DPRX: variants seen among roughly 807,000 people sequenced by gnomAD.
The protein encoded by DPRX is divergent paired-related homeobox.
In DPRX, 11 loss-of-function variants were observed where a neutral mutation model predicts 8.4. The observed-to-expected ratio is 1.31, with a 90% confidence interval of 0.82 to 2.17. The LOEUF is 2.17. Ranked by LOEUF, DPRX falls within the 30% of genes most tolerant of loss-of-function variation. The pLI is 0.00. For missense variants in DPRX, 211 were observed against 236.7 expected (o/e 0.89, Z 0.71); for synonymous variants, 72 against 87.0 (o/e 0.83, Z 0.96).
chr19:53,603,226 C>A, the DPRX span: 1 of 422,298 alleles, frequency 2.4e-6, no homozygotes, highest in Non-Finnish European at 4.8e-6. Flanking sequence ...CAAAAGTGCG[C>A]CTACTAAGAA....
the DPRX span, among the ~76,000 whole-genome samples, chr19:53,609,537 G>A: frequency 7.1e-6 from 1 of 140,486 alleles, no homozygotes; most frequent in Non-Finnish European, 1.6e-5. Flanking sequence ...AACATATAGA[G>A]CAATGGTACA....
At chr19:53,602,607 C>G in the DPRX span, among the ~76,000 whole-genome samples, 1 of 151,050 alleles carries the variant, frequency 6.6e-6, no homozygotes, top group Non-Finnish European at 1.5e-5. Context: ...GATCTTGGCT[C>G]ACTGGAAACT....
the DPRX span, among the ~76,000 whole-genome samples, chr19:53,617,411 A>G: frequency 2.6e-5 from 4 of 151,958 alleles, no homozygotes; most frequent in Non-Finnish European, 4.4e-5. Flanking sequence ...ATACAAAATT[A>G]GCCAGGCGTG....
At chr19:53,602,520 C>T in the DPRX span, among the ~76,000 whole-genome samples, 2 of 150,586 alleles carry the variant, frequency 1.3e-5, no homozygotes, top group Admixed American at 1.3e-4. Flanking sequence ...CCACCACACC[C>T]AGCTAATTTT....
At chr19:53,611,289 A>T in the DPRX span, among the ~76,000 whole-genome samples, 1 of 151,932 alleles carries the variant, frequency 6.6e-6, no homozygotes, top group Non-Finnish European at 1.5e-5. Flanking sequence ...TTTTTTTGAG[A>T]CATGGTCTCG....
At chr19:53,627,689 T>A (rs1220610164), upstream of DPRX, among the ~76,000 whole-genome samples, 1 of 148,720 alleles carries the variant, frequency 6.7e-6, no homozygotes, top group Non-Finnish European at 1.5e-5. Context: ...TCCGCCCACC[T>A]CGGCCTCCCA....
At chr19:53,616,982 G>A in the DPRX span, 397 of 1,167,392 alleles carry the variant, frequency 3.4e-4, 4 homozygotes, top group South Asian at 3.5e-3. Context: ...CCAGGTGTTG[G>A]CTCTATGACT....
At chr19:53,614,436 C>T in the DPRX span, among the ~76,000 whole-genome samples, 1 of 152,010 alleles carries the variant, frequency 6.6e-6, no homozygotes, top group Non-Finnish European at 1.5e-5. Context: ...CGGTGGCTCA[C>T]GCCTGTAATC....
chr19:53,611,801 T>C, the DPRX span, among the ~76,000 whole-genome samples: 1 of 152,108 alleles, frequency 6.6e-6, no homozygotes, highest in Non-Finnish European at 1.5e-5. Flanking sequence ...TGAGGTGAAC[T>C]GGCTGGGCGC....
At chr19:53,617,328 G>A in the DPRX span, 1 of 577,708 alleles carries the variant, frequency 1.7e-6, no homozygotes, top group African/African-American at 1.9e-5. Flanking sequence ...GGAGGCCGAG[G>A]CGAGCGGATT....
At chr19:53,619,961 C>T in the DPRX span, among the ~76,000 whole-genome samples, 2 of 152,006 alleles carry the variant, frequency 1.3e-5, no homozygotes, top group Non-Finnish European at 2.9e-5. Context: ...CTCTTATCAT[C>T]CCCTGCCTCA....
At chr19:53,623,008 T>G in the DPRX span, among the ~76,000 whole-genome samples, 27 of 152,080 alleles carry the variant, frequency 1.8e-4, no homozygotes, top group African/African-American at 4.1e-4. Context: ...TTGAGCCCTT[T>G]AAAAAGCCAT....
At chr19:53,601,586 A>G in the DPRX span, among the ~76,000 whole-genome samples, 1 of 150,484 alleles carries the variant, frequency 6.6e-6, no homozygotes, top group South Asian at 2.1e-4. Context: ...GGTTCAAGCG[A>G]TTCTCCTGCC....
At chr19:53,625,336 G>A in the DPRX span, among the ~76,000 whole-genome samples, 449 of 152,178 alleles carry the variant, frequency 3.0e-3, 1 homozygote, top group Middle Eastern at 0.01. Context: ...TCACAGGCAT[G>A]AGCCAGCGTG....
intron 1 of DPRX, among the ~76,000 whole-genome samples, chr19:53,634,307 T>C (rs1394412854): frequency 1.3e-5 from 2 of 152,134 alleles, no homozygotes; most frequent in Non-Finnish European, 1.5e-5. Flanking sequence ...GGCGTGCGCC[T>C]GTAATCCCAG....
chr19:53,613,859 T>A, the DPRX span, among the ~76,000 whole-genome samples: 1 of 151,840 alleles, frequency 6.6e-6, no homozygotes, highest in East Asian at 1.9e-4. Context: ...GATTGAGGAT[T>A]TTTTTTTCCT....
At chr19:53,606,791 C>A in the DPRX span, 8 of 148,496 alleles carry the variant, frequency 5.4e-5, no homozygotes, top group East Asian at 1.7e-3. The surrounding 1 kb of genome is among the most constrained non-coding windows in gnomAD (Gnocchi z 4.8). Context: ...GACAGGTATA[C>A]GCACTGGGCC....
At chr19:53,615,179 C>T in the DPRX span, among the ~76,000 whole-genome samples, 2 of 151,966 alleles carry the variant, frequency 1.3e-5, no homozygotes, top group Admixed American at 6.6e-5. Flanking sequence ...ACCATATTGA[C>T]CAGGCTGGTC....
chr19:53,634,603 T>C, exon 2 of DPRX: 1 of 1,614,068 alleles, frequency 6.2e-7, no homozygotes, highest in Non-Finnish European at 8.5e-7. Context: ...CTGAACATCT[T>C]GTTCAATGAG....
Sources: allele counts gnomAD v4.1 joint callset (sites outside exome capture counted in the v4.1 genomes callset), GRCh38; gene constraint gnomAD v4.1.1; non-coding constraint Gnocchi (gnomAD v3.1); transcripts MANE v1.5; gene names NCBI Gene and HGNC (gene_info 2026-07-23, HGNC 2026-07-21).